The following GALNT17 variants were observed in gnomAD, a reference collection of about 807,000 sequenced individuals.
GALNT17 encodes polypeptide N-acetylgalactosaminyltransferase 17.
A neutral mutation model predicts 63.7 loss-of-function variants in GALNT17; 29 were observed. The observed-to-expected ratio is 0.46, with a 90% CI of 0.34 to 0.62. The LOEUF is 0.62. Ranked by LOEUF, GALNT17 falls within the 20% of genes least tolerant of loss-of-function variation. The pLI, the probability that GALNT17 is intolerant of heterozygous loss-of-function variation, is 0.01. For synonymous variants in GALNT17, 305 were observed against 318.3 expected (o/e 0.96, Z 0.45); for missense variants, 603 against 799.6 (o/e 0.75, Z 2.97).
intron 5 of GALNT17, among the ~76,000 whole-genome samples, chr7:71,483,279 T>C (rs1238295919): frequency 1.3e-5 from 2 of 152,132 alleles, no homozygotes; most frequent in African/African-American, 2.4e-5. Flanking sequence ...AAGACCAGCC[T>C]GGGCAGCGTG....
intron 2 of GALNT17, among the ~76,000 whole-genome samples, chr7:71,370,414 TC>T (rs1360986975): frequency 6.6e-6 from 1 of 152,146 alleles, no homozygotes; most frequent in African/African-American, 2.4e-5. Context: ...TCCTCCTGCC[TC>T]AGCCTCCTGT....
intron 5 of GALNT17, among the ~76,000 whole-genome samples, chr7:71,555,110 G>T (rs1321509078): frequency 6.6e-6 from 1 of 152,036 alleles, no homozygotes. Context: ...TTAACAACCA[G>T]ATCTTGCTGA....
At position 71,653,719 on chromosome 7, in the gene GALNT17, A is replaced by G. The variant is rs1267406074; in HGVS notation, c.1081-11692A>G. Among the ~76,000 whole-genome samples, 11 of 152,114 alleles carry G rather than the reference A, an allele frequency of 7.2e-5. No homozygotes were observed. The East Asian group carries it at 1.4e-3, about 19-fold the overall frequency. On this transcript the variant is annotated intron_variant, in intron 6 of 10. Coordinates refer to ENST00000333538, the MANE Select transcript of GALNT17 (RefSeq NM_022479.3). ...ACCACGCCCAGCCAAAAAGTAGGAC[A>G]TCTTGAAGCAGGGCCCAAAGGTCTA...
intron 5 of GALNT17, among the ~76,000 whole-genome samples, chr7:71,512,360 G>A (rs192519574): frequency 3.2e-4 from 48 of 152,102 alleles, no homozygotes; most frequent in African/African-American, 1.1e-3. Flanking sequence ...TCTCTGTGTC[G>A]TGACACGTGA....
At chr7:71,140,994 C>T (rs1021220657) in intron 1 of GALNT17, among the ~76,000 whole-genome samples, 2 of 151,236 alleles carry the variant, frequency 1.3e-5, no homozygotes, top group Non-Finnish European at 2.9e-5. Context: ...GCACTCCATC[C>T]ATCCTGGGTG....
At chr7:71,460,937 T>A (rs1367290252) in intron 5 of GALNT17, among the ~76,000 whole-genome samples, 1 of 152,138 alleles carries the variant, frequency 6.6e-6, no homozygotes, top group Non-Finnish European at 1.5e-5. Context: ...ATCAGCAAGG[T>A]CTTTATGACC....
intron 1 of GALNT17, among the ~76,000 whole-genome samples, chr7:71,245,032 C>T (rs940654870): frequency 1.3e-5 from 2 of 152,054 alleles, no homozygotes; most frequent in African/African-American, 4.8e-5. Context: ...TCAGGAAAAG[C>T]AATTAATCGA....
chr7:71,577,521 C>T (rs1165569168), intron 6 of GALNT17, among the ~76,000 whole-genome samples: 3 of 150,328 alleles, frequency 2.0e-5, no homozygotes, highest in African/African-American at 7.5e-5. Flanking sequence ...AGATAACCTT[C>T]TTGCCGATTC....
intron 2 of GALNT17, among the ~76,000 whole-genome samples, chr7:71,383,917 C>T (rs1037698946): frequency 3.3e-5 from 5 of 152,078 alleles, no homozygotes; most frequent in African/African-American, 7.2e-5. Context: ...TATGAACATG[C>T]GGGTACAAGT....
intron 1 of GALNT17, among the ~76,000 whole-genome samples, chr7:71,232,809 T>C (rs1789817294): frequency 6.6e-6 from 1 of 152,162 alleles, no homozygotes; most frequent in Non-Finnish European, 1.5e-5. Flanking sequence ...TGGTAACTTC[T>C]GGGTGTGGCC....
chr7:71,625,352 G>A (rs1352214159), intron 6 of GALNT17, among the ~76,000 whole-genome samples: 1 of 151,930 alleles, frequency 6.6e-6, no homozygotes, highest in African/African-American at 2.4e-5. Context: ...CACTATGTTG[G>A]CCAGGCTGGT....
chr7:71,147,487 ACTCGAATGTTAAT>A (rs1284728067), intron 1 of GALNT17, among the ~76,000 whole-genome samples: 1 of 152,080 alleles, frequency 6.6e-6, no homozygotes, highest in Non-Finnish European at 1.5e-5. Context: ...CAGCCCACTG[ACTCGAATGTTAAT>A]CTCTTTTGAC....
chr7:71,405,801 AAAC>A (rs1366391128), intron 3 of GALNT17, among the ~76,000 whole-genome samples: 2 of 152,150 alleles, frequency 1.3e-5, no homozygotes, highest in Non-Finnish European at 2.9e-5. Context: ...ATCAGCTCCC[AAAC>A]ACTTGCCCTC....
chr7:71,612,357 C>T (rs1790138018), intron 6 of GALNT17, among the ~76,000 whole-genome samples: 1 of 152,232 alleles, frequency 6.6e-6, no homozygotes, highest in African/African-American at 2.4e-5. Context: ...GACCTTTAGA[C>T]ACTAAATATT....
chr7:71,614,909 AAGGG>A (rs71754918), intron 6 of GALNT17, among the ~76,000 whole-genome samples: 11,169 of 144,848 alleles, frequency 0.077, 519 homozygotes, highest in African/African-American at 0.13. Context: ...GGGAGGGAGG[AAGGG>A]AGGGAAATAA....
At chr7:71,490,572 C>T (rs1787990107) in intron 5 of GALNT17, among the ~76,000 whole-genome samples, 2 of 151,976 alleles carry the variant, frequency 1.3e-5, no homozygotes, top group South Asian at 4.2e-4. Flanking sequence ...CCCTTGAGGC[C>T]TGGGCAACAT....
At chr7:71,331,926 T>C (rs1290774419) in intron 1 of GALNT17, among the ~76,000 whole-genome samples, 1 of 152,202 alleles carries the variant, frequency 6.6e-6, no homozygotes, top group Non-Finnish European at 1.5e-5. Context: ...TCAGTCCTTG[T>C]GCTGTTATTG....
At chr7:71,152,214 G>A (rs1230022536) in intron 1 of GALNT17, among the ~76,000 whole-genome samples, 1 of 152,048 alleles carries the variant, frequency 6.6e-6, no homozygotes, top group Non-Finnish European at 1.5e-5. Context: ...CTTTTCAAGA[G>A]CTTTTTCTTT....
chr7:71,677,516 ATTTT>A (rs34765236), intron 9 of GALNT17, among the ~76,000 whole-genome samples: 1 of 142,086 alleles, frequency 7.0e-6, no homozygotes, highest in African/African-American at 2.6e-5. Context: ...CAGCATGCAG[ATTTT>A]TTTTTTTTTT....
Sources: allele counts gnomAD v4.1 joint callset (sites outside exome capture counted in the v4.1 genomes callset), GRCh38; gene constraint gnomAD v4.1.1; transcripts MANE v1.5; gene names NCBI Gene and HGNC (gene_info 2026-07-23, HGNC 2026-07-21).